The following DNAAF19 variants were observed in gnomAD, a reference collection of about 807,000 sequenced individuals.
The protein encoded by DNAAF19 is dynein axonemal assembly factor 19, also known as coiled-coil domain containing 103.
chr17:44,901,162 C>A, the DNAAF19 span: 1 of 1,600,920 alleles, frequency 6.2e-7, no homozygotes, highest in Middle Eastern at 1.7e-4. Flanking sequence ...TGCCATTTTT[C>A]TCAGGCCCTC....
At chr17:44,900,353 A>G in the DNAAF19 span, among the ~76,000 whole-genome samples, 1 of 152,000 alleles carries the variant, frequency 6.6e-6, no homozygotes, top group Non-Finnish European at 1.5e-5. Context: ...CAGAAACTAC[A>G]GAAGTACAGT....
At chr17:44,901,155 C>T in the DNAAF19 span, 8 of 1,599,906 alleles carry the variant, frequency 5.0e-6, no homozygotes, top group African/African-American at 9.5e-5. Flanking sequence ...GGCTCACTGC[C>T]ATTTTTCTCA....
At chr17:44,905,340 G>A in the DNAAF19 span, 4 of 473,034 alleles carry the variant, frequency 8.5e-6, no homozygotes, top group Admixed American at 1.2e-4. Context: ...GAGAAGGAAA[G>A]TGTGAACTCA....
the DNAAF19 span, chr17:44,903,873 T>C: frequency 6.9e-7 from 1 of 1,459,432 alleles, no homozygotes; most frequent in Non-Finnish European, 9.4e-7. Flanking sequence ...GCATGGGGGC[T>C]CCAGGCCTTT....
chr17:44,905,098 T>G, the DNAAF19 span: 1 of 1,484,560 alleles, frequency 6.7e-7, no homozygotes, highest in Non-Finnish European at 9.1e-7. Flanking sequence ...TGAAGACCAG[T>G]TGTCCTTCAA....
the DNAAF19 span, chr17:44,904,707 G>C: frequency 6.4e-7 from 1 of 1,550,552 alleles, no homozygotes; most frequent in African/African-American, 1.4e-5. Flanking sequence ...CCTGGGGCCC[G>C]GCCAGAGCAT....
At chr17:44,903,771 C>T in the DNAAF19 span, 1 of 1,497,570 alleles carries the variant, frequency 6.7e-7, no homozygotes, top group Non-Finnish European at 8.9e-7. Context: ...TCTAGGAGCC[C>T]TATGAGCCTT....
the DNAAF19 span, among the ~76,000 whole-genome samples, chr17:44,900,323 A>G: frequency 6.6e-6 from 1 of 151,876 alleles, no homozygotes; most frequent in South Asian, 2.1e-4. Context: ...TGTAGAAATG[A>G]TCAGTCAGCC....
chr17:44,904,854 T>G, the DNAAF19 span: 3 of 1,550,488 alleles, frequency 1.9e-6, no homozygotes, highest in African/African-American at 2.7e-5. Context: ...GACCGGGGCA[T>G]CTACTATTGC....
chr17:44,904,549 AG>A, the DNAAF19 span: 1 of 1,550,610 alleles, frequency 6.4e-7, no homozygotes, highest in Non-Finnish European at 8.7e-7. Context: ...GGAGCTGCTT[AG>A]TACCCTGTGA....
At chr17:44,901,389 TA>T in the DNAAF19 span, 2 of 1,162,392 alleles carry the variant, frequency 1.7e-6, no homozygotes, top group Non-Finnish European at 2.5e-6. Flanking sequence ...AGCAGTCAGC[TA>T]TCGCTGTTGT....
At chr17:44,904,180 T>G in the DNAAF19 span, 2 of 1,550,540 alleles carry the variant, frequency 1.3e-6, no homozygotes, top group Non-Finnish European at 1.7e-6. Flanking sequence ...GGGCTCAGTC[T>G]GAGGACTCAG....
At chr17:44,901,778 G>A in the DNAAF19 span, 2 of 1,138,200 alleles carry the variant, frequency 1.8e-6, no homozygotes, top group East Asian at 2.6e-5. Context: ...TATTTGTCAT[G>A]TTAAACCAAC....
the DNAAF19 span, chr17:44,901,022 C>T: frequency 6.2e-7 from 1 of 1,604,172 alleles, no homozygotes; most frequent in Non-Finnish European, 8.5e-7. Context: ...ACATCATCAA[C>T]TTCAAGGCTT....
At chr17:44,902,086 C>T in the DNAAF19 span, among the ~76,000 whole-genome samples, 1 of 152,234 alleles carries the variant, frequency 6.6e-6, no homozygotes, top group East Asian at 1.9e-4. Context: ...TAAACCCTGA[C>T]TTACTCTTGA....
the DNAAF19 span, chr17:44,904,426 C>T: frequency 7.8e-6 from 12 of 1,541,852 alleles, no homozygotes; most frequent in East Asian, 1.7e-4. Flanking sequence ...AGAGCCCAGA[C>T]CTCTCCCCAC....
At chr17:44,901,321 T>C in the DNAAF19 span, among the ~76,000 whole-genome samples, 1 of 152,278 alleles carries the variant, frequency 6.6e-6, no homozygotes, top group East Asian at 1.9e-4. Context: ...CTGTTATAAT[T>C]AAATGAGTTC....
the DNAAF19 span, chr17:44,903,677 T>C: frequency 6.3e-6 from 9 of 1,435,782 alleles, no homozygotes; most frequent in Non-Finnish European, 8.2e-6. Flanking sequence ...GCCTTGCACT[T>C]GGCGGCTTCC....
At chr17:44,900,847 G>A in the DNAAF19 span, 1 of 739,020 alleles carries the variant, frequency 1.4e-6, no homozygotes. Context: ...TAGAAAACCA[G>A]ATTTTTGTAA....
Sources: allele counts gnomAD v4.1 joint callset (sites outside exome capture counted in the v4.1 genomes callset), GRCh38; gene constraint gnomAD v4.1.1; transcripts MANE v1.5; gene names NCBI Gene and HGNC (gene_info 2026-07-23, HGNC 2026-07-21).